Variants in DENND2A observed in about 807,000 individuals in gnomAD.
DENND2A encodes DENN domain-containing protein 2A.
DENND2A carries 53 observed loss-of-function variants against 105.3 expected under a neutral mutation model. The ratio of observed to expected loss-of-function variants is 0.50; its 90% CI spans 0.40 to 0.63. The LOEUF (loss-of-function observed/expected upper bound fraction) is 0.63. Ranked by LOEUF, DENND2A falls within the 30% of genes least tolerant of loss-of-function variation. DENND2A has a pLI of 0.00. For missense variants in DENND2A, 1,138 were observed against 1,279.6 expected (o/e 0.89, Z 1.69); for synonymous variants, 522 against 508.4 (o/e 1.03, Z -0.36).
intron 1 of DENND2A, among the ~76,000 whole-genome samples, chr7:140,607,760 C>T (rs1799744105): frequency 6.6e-6 from 1 of 152,108 alleles, no homozygotes; most frequent in Non-Finnish European, 1.5e-5. Flanking sequence ...GGAGAACAGC[C>T]CCTCCCCACC....
chr7:140,524,380 C>T (rs547506017), intron 16 of DENND2A, among the ~76,000 whole-genome samples: 26 of 152,230 alleles, frequency 1.7e-4, no homozygotes, highest in Middle Eastern at 3.4e-3. Context: ...GTGAAAGTAA[C>T]TGATGATCAT....
At position 140,558,040 on chromosome 7, in the gene DENND2A, C is replaced by T. The variant is rs150667784; in HGVS notation, c.1959+103G>A. 299 of 861,904 alleles carry T rather than the reference C, an allele frequency of 3.5e-4. 2 individuals are homozygous for T. The African/African-American group carries it at 4.3e-3, about 12-fold the overall frequency. The allele number at this position is 861,904 out of a possible 1,614,324, so 53.4% of individuals were successfully genotyped here. A position where few individuals can be genotyped will look rare whatever the true frequency, so the allele number is the denominator to read the frequency against. On this transcript the variant is annotated intron_variant, in intron 11 of 19. Coordinates refer to ENST00000496613, the MANE Select transcript of DENND2A (RefSeq NM_015689.5). ...TGCTCCTTCTCCTCCTGTGCCTCAT[C>T]AGGGAATCTCAGTCTCACGGGACTG...
At chr7:140,632,677 A>T (rs269259) in intron 1 of DENND2A, among the ~76,000 whole-genome samples, 11,046 of 138,928 alleles carry the variant, frequency 0.08, 1,283 homozygotes, top group African/African-American at 0.27. Context: ...CAAGTGATTC[A>T]CCTGCCTCAG....
chr7:140,571,958 C>T (rs896419648), intron 6 of DENND2A, among the ~76,000 whole-genome samples: 4 of 151,652 alleles, frequency 2.6e-5, no homozygotes, highest in Non-Finnish European at 5.9e-5. Flanking sequence ...GGTGCATTCC[C>T]TAAGTGGACT....
At chr7:140,578,778 A>G (rs578254622) in intron 5 of DENND2A, among the ~76,000 whole-genome samples, 2 of 152,084 alleles carry the variant, frequency 1.3e-5, no homozygotes, top group Non-Finnish European at 2.9e-5. Context: ...GGAGGCTGAG[A>G]CAGGAGAATC....
At chr7:140,588,593 C>T (rs1253021247) in intron 3 of DENND2A, among the ~76,000 whole-genome samples, 1 of 152,034 alleles carries the variant, frequency 6.6e-6, no homozygotes, top group Admixed American at 6.6e-5. Context: ...GCAACACGCC[C>T]TGCTAATTTT....
intron 14 of DENND2A, among the ~76,000 whole-genome samples, chr7:140,530,951 C>T (rs1219119596): frequency 3.3e-5 from 5 of 152,120 alleles, no homozygotes; most frequent in South Asian, 4.1e-4. Flanking sequence ...AGGCTGGTCT[C>T]GAACTCCTGA....
intron 12 of DENND2A, among the ~76,000 whole-genome samples, chr7:140,552,579 G>A (rs965628564): frequency 2.4e-4 from 37 of 151,880 alleles, no homozygotes; most frequent in Non-Finnish European, 4.6e-4. Context: ...TGTATTTTTT[G>A]TAGAGACAGG....
At chr7:140,587,809 C>T in intron 3 of DENND2A, 29 bp from the exon 4 acceptor site, 2 of 1,523,060 alleles carry the variant, frequency 1.3e-6, no homozygotes, top group Non-Finnish European at 1.8e-6. Context: ...GAGGAAAAAA[C>T]AAAGAATTTG....
Position 140,557,532 on chromosome 7 carries a change from T to TATATATATATATATA in DENND2A, c.1959+610_1959+611insTATATATATATATAT, listed in dbSNP as rs71173208. 2.9e-3 allele frequency among the ~76,000 whole-genome samples: 42 copies of TATATATATATATATA among 14,238 alleles called. 3 individuals are homozygous for TATATATATATATATA. The highest frequency in any genetic ancestry group is 0.027 in the East Asian group (3 of 112). The allele number at this position is 14,238 out of a possible 152,430, so 9.3% of individuals were successfully genotyped here. On this transcript the variant is annotated intron_variant, in intron 11 of 19. Transcript: ENST00000496613. The stretch of plus-strand genomic sequence containing the variant: ...TAGTATATATATATATATATATATA[T>TATATATATATATATA]TTTTTTTTTTTTTTTTTTTTTTTTT...
chr7:140,633,567 T>A (rs570025438), intron 1 of DENND2A, among the ~76,000 whole-genome samples: 1 of 152,198 alleles, frequency 6.6e-6, no homozygotes, highest in African/African-American at 2.4e-5. Context: ...TTGACCATTA[T>A]TGCATCTTCT....
At chr7:140,627,683 G>A (rs1437097516) in intron 1 of DENND2A, among the ~76,000 whole-genome samples, 1 of 151,666 alleles carries the variant, frequency 6.6e-6, no homozygotes, top group Non-Finnish European at 1.5e-5. Flanking sequence ...TGCAACAACT[G>A]GCTAATTTTT....
At chr7:140,545,916 G>C (rs146234092) in intron 13 of DENND2A, among the ~76,000 whole-genome samples, 473 of 152,242 alleles carry the variant, frequency 3.1e-3, no homozygotes, top group Non-Finnish European at 5.6e-3. Context: ...AGGTTCTCTA[G>C]CAACACAGAG....
intron 1 of DENND2A, among the ~76,000 whole-genome samples, chr7:140,628,536 CT>C (rs987018660): frequency 0.043 from 4,963 of 116,088 alleles, 121 homozygotes; most frequent in African/African-American, 0.15. Context: ...AAATTTCTTT[CT>C]TTTTTTTTTT....
rs546975196 is a variant in DENND2A, at chr7:140,634,234, G to A, written c.-248+6270C>T. ...AGGACCGTCTTGATCTCCTGACCTC[G>A]TGATCCGCCTGCCTTGGCCTCCCGA... is the stretch of plus-strand genomic sequence containing the variant. On this transcript the variant is annotated intron_variant, in intron 1 of 19. Coordinates refer to ENST00000496613, the MANE Select transcript of DENND2A (RefSeq NM_015689.5). Among the ~76,000 whole-genome samples the A allele has an allele frequency of 3.3e-5, 5 of 151,986 alleles. 1 individual carries two copies. Among genetic ancestry groups the A allele is most frequent in the African/African-American group, 9.6e-5 (4 of 41,490 alleles).
At chr7:140,601,328 C>G in intron 3 of DENND2A, 75 bp downstream of exon 3, 1 of 1,504,362 alleles carries the variant, frequency 6.6e-7, no homozygotes, top group Non-Finnish European at 8.9e-7. Flanking sequence ...CAGCTGAGAA[C>G]AGACGGTTAT....
chr7:140,626,890 A>T (rs559506502), intron 1 of DENND2A, among the ~76,000 whole-genome samples: 1 of 152,324 alleles, frequency 6.6e-6, no homozygotes, highest in East Asian at 1.9e-4. Context: ...TATCATAAGG[A>T]TTAAAAGCAA....
chr7:140,560,827 G>A (rs918621354), intron 9 of DENND2A, among the ~76,000 whole-genome samples: 3 of 151,940 alleles, frequency 2.0e-5, no homozygotes, highest in Admixed American at 6.6e-5. Context: ...CCAGCTGCTC[G>A]GGAGGCTGAG....
chr7:140,595,754 C>G (rs533148477), intron 3 of DENND2A, among the ~76,000 whole-genome samples: 4 of 151,220 alleles, frequency 2.6e-5, no homozygotes, highest in Non-Finnish European at 4.4e-5. Context: ...GGAGACAGAG[C>G]AAGACCCTGT....
Sources: gnomAD v4.1 joint callset for allele counts (sites outside exome capture counted in the v4.1 genomes callset) on GRCh38, gnomAD v4.1.1 for gene constraint, MANE v1.5 for transcripts, NCBI Gene and HGNC (gene_info 2026-07-23, HGNC 2026-07-21) for gene names.